TUBGCP3: variants seen among roughly 807,000 people sequenced by gnomAD.
TUBGCP3 encodes the protein tubulin gamma complex component 3.
TUBGCP3 carries 50 observed loss-of-function variants against 123.1 expected under a neutral mutation model. The ratio of observed to expected loss-of-function variants is 0.41; its 90% confidence interval spans 0.32 to 0.51. TUBGCP3 has a LOEUF of 0.51. TUBGCP3 is among the 20% of genes least tolerant of loss of function. The pLI is 0.36. For missense variants in TUBGCP3, 882 were observed against 1,127.0 expected (o/e 0.78, Z 3.11); for synonymous variants, 405 against 413.9 (o/e 0.98, Z 0.26).
chr13:112,578,278 G>C (rs1025681117), intron 1 of TUBGCP3, among the ~76,000 whole-genome samples: 1 of 151,914 alleles, frequency 6.6e-6, no homozygotes, highest in Non-Finnish European at 1.5e-5. Flanking sequence ...ACCTGCTCTC[G>C]GCCGGGCGCG....
At chr13:112,601,977 G>C in the TUBGCP3 span, among the ~76,000 whole-genome samples, 1 of 152,170 alleles carries the variant, frequency 6.6e-6, no homozygotes, top group Admixed American at 6.5e-5. Flanking sequence ...CCTTATGCCA[G>C]GCGCTTAGCA....
chr13:112,518,929 A>G (rs754794266), intron 16 of TUBGCP3, 46 bp downstream of exon 16: 2 of 1,532,316 alleles, frequency 1.3e-6, no homozygotes, highest in Admixed American at 1.7e-5. Flanking sequence ...ATGTTTAACA[A>G]TCTTAATAGT....
rs191406719 is a variant in TUBGCP3 at position 112,556,102 on chromosome 13, C to A, written c.671G>T (p.Ser224Ile). Residue 224 changes from serine (S) to isoleucine (I), a missense_variant, in exon 6 of 22, where the codon AGT becomes ATT. Coordinates refer to ENST00000261965, the MANE Select transcript of TUBGCP3 (RefSeq NM_006322.6). ...CCTTGTCATGTTGCGAGACACAGCA[C>A]TGGGGACACCTTTTGAGGTAGTGGC... ...SQATTSKGVP[S>I]AVSRNMTRSR... The A allele has an allele frequency of 2.3e-5, 37 of 1,614,126 alleles. No individual in the cohort carries two copies. The highest frequency in any genetic ancestry group is 3.1e-5 in the Non-Finnish European group (36 of 1,180,016).
intron 2 of TUBGCP3, among the ~76,000 whole-genome samples, chr13:112,566,755 C>T (rs1318215903): frequency 1.3e-5 from 2 of 152,084 alleles, no homozygotes; most frequent in African/African-American, 2.4e-5. Context: ...TAAAAATGAA[C>T]GCATAGTATT....
At chr13:112,515,216 T>C (rs982526028) in intron 17 of TUBGCP3, among the ~76,000 whole-genome samples, 4 of 152,138 alleles carry the variant, frequency 2.6e-5, no homozygotes, top group Non-Finnish European at 4.4e-5. Context: ...GAAAACTATA[T>C]CGCAACCAGC....
chr13:112,581,275 T>C (rs1882258309), intron 1 of TUBGCP3, among the ~76,000 whole-genome samples: 1 of 152,190 alleles, frequency 6.6e-6, no homozygotes, highest in Non-Finnish European at 1.5e-5. Context: ...GCCTGCATAG[T>C]GGGGAAAGGA....
chr13:112,586,465 G>C (rs1882617681), intron 1 of TUBGCP3, among the ~76,000 whole-genome samples: 1 of 152,140 alleles, frequency 6.6e-6, no homozygotes, highest in East Asian at 1.9e-4. Context: ...TGAAACATGT[G>C]AAAGGAAACT....
At chr13:112,550,103 C>G (rs986463105) in intron 8 of TUBGCP3, among the ~76,000 whole-genome samples, 1 of 151,882 alleles carries the variant, frequency 6.6e-6, no homozygotes, top group African/African-American at 2.4e-5. Flanking sequence ...GTGGCAAGAG[C>G]CTTCAGGGAT....
At chr13:112,510,321 A>AT (rs1404436557) in intron 17 of TUBGCP3, among the ~76,000 whole-genome samples, 1 of 152,074 alleles carries the variant, frequency 6.6e-6, no homozygotes, top group Non-Finnish European at 1.5e-5. Context: ...GCTAAACATG[A>AT]TATTTGTTTT....
chr13:112,522,613 G>A (rs1876716270), intron 13 of TUBGCP3, 104 bp from the exon 14 acceptor site: 3 of 1,138,806 alleles, frequency 2.6e-6, no homozygotes, highest in Non-Finnish European at 3.8e-6. Flanking sequence ...ACCACTGCCT[G>A]TGGCATCAGT....
chr13:112,541,886 G>A (rs1366174671), intron 11 of TUBGCP3, among the ~76,000 whole-genome samples: 1 of 152,120 alleles, frequency 6.6e-6, no homozygotes, highest in Non-Finnish European at 1.5e-5. Flanking sequence ...ATTATTGAAC[G>A]AAGAGGATAC....
At chr13:112,561,781 G>A (rs1256471694) in intron 3 of TUBGCP3, among the ~76,000 whole-genome samples, 1 of 152,092 alleles carries the variant, frequency 6.6e-6, no homozygotes, top group East Asian at 1.9e-4. Flanking sequence ...TTCTACCTTT[G>A]CACTAAGAAA....
chr13:112,531,032 G>T (rs754100494), intron 11 of TUBGCP3, among the ~76,000 whole-genome samples: 1 of 152,126 alleles, frequency 6.6e-6, no homozygotes, highest in East Asian at 1.9e-4. Context: ...TTTAAATAAC[G>T]TCATTTTCCC....
rs1375867057 is a variant in TUBGCP3 at position 112,508,343 on chromosome 13, T to C, written c.2087-3629A>G. ...ACAGCCTTCCAACAAACAAAGCGTC[T>C]AACTTCGTTAGAAGTTTTGACTTTG... On this transcript the variant is annotated intron_variant, in intron 17 of 21. Transcript: ENST00000261965. The surrounding 1 kb of genome is among the most constrained non-coding windows in gnomAD (Gnocchi z 4.2). Among the ~76,000 whole-genome samples the C allele has an allele frequency of 2.6e-5, 4 of 152,362 alleles. No homozygotes were observed. The East Asian group carries it at 7.7e-4, about 29-fold the overall frequency.
At chr13:112,513,886 A>C (rs1335512559) in intron 17 of TUBGCP3, among the ~76,000 whole-genome samples, 1 of 152,176 alleles carries the variant, frequency 6.6e-6, no homozygotes, top group Non-Finnish European at 1.5e-5. Flanking sequence ...AATCCCAGAA[A>C]TAAACAATTC....
At chr13:112,593,161 G>A (rs1457544380), upstream of TUBGCP3, among the ~76,000 whole-genome samples, 2 of 152,178 alleles carry the variant, frequency 1.3e-5, no homozygotes, top group Non-Finnish European at 2.9e-5. Context: ...GCTCACACCT[G>A]TAATCCCAGC....
At chr13:112,560,751 T>TA (rs1166540234) in intron 3 of TUBGCP3, among the ~76,000 whole-genome samples, 2 of 152,210 alleles carry the variant, frequency 1.3e-5, no homozygotes, top group Non-Finnish European at 2.9e-5. Context: ...TTACTAACTT[T>TA]AAAAAATTGG....
chr13:112,577,472 G>GA (rs959038881), intron 1 of TUBGCP3, among the ~76,000 whole-genome samples: 4 of 150,644 alleles, frequency 2.7e-5, no homozygotes, highest in Admixed American at 1.3e-4. Flanking sequence ...TCAAGATCAT[G>GA]AAAAAAAAAG....
intron 11 of TUBGCP3, among the ~76,000 whole-genome samples, chr13:112,536,260 C>T (rs546360213): frequency 5.3e-5 from 8 of 152,374 alleles, no homozygotes; most frequent in Middle Eastern, 3.4e-3. Flanking sequence ...TGAAGATCAG[C>T]TTTTCCATTT....
Sources: allele counts gnomAD v4.1 joint callset (sites outside exome capture counted in the v4.1 genomes callset), GRCh38; gene constraint gnomAD v4.1.1; non-coding constraint Gnocchi (gnomAD v3.1); transcripts MANE v1.5; gene names NCBI Gene and HGNC (gene_info 2026-07-23, HGNC 2026-07-21).